IGF2BP3: variants seen among roughly 807,000 people sequenced by gnomAD.
The protein encoded by IGF2BP3 is insulin-like growth factor 2 mRNA-binding protein 3.
IGF2BP3 carries 9 observed loss-of-function variants against 73.8 expected under a neutral mutation model. The observed-to-expected ratio is 0.12, with a 90% CI of 0.07 to 0.21. The LOEUF is 0.21. IGF2BP3 is among the 10% of genes least tolerant of loss of function. The probability of loss-of-function intolerance (pLI) is 1.00; values close to 1 mark genes in which losing one functional copy is unlikely to be tolerated. For synonymous variants in IGF2BP3, 258 were observed against 256.7 expected, an observed-to-expected ratio of 1.01 and a Z score of -0.05; for missense variants, 542 against 714.0, an observed-to-expected ratio of 0.76 and a Z score of 2.75.
At chr7:23,373,400 C>G (rs953587330) in intron 3 of IGF2BP3, among the ~76,000 whole-genome samples, 1 of 152,058 alleles carries the variant, frequency 6.6e-6, no homozygotes, top group African/African-American at 2.4e-5. Flanking sequence ...GTGTGTCACA[C>G]GAAAAGACGC....
chr7:23,314,075 A>G (rs1783907377), intron 12 of IGF2BP3, among the ~76,000 whole-genome samples: 1 of 152,134 alleles, frequency 6.6e-6, no homozygotes, highest in African/African-American at 2.4e-5. Context: ...GCTGGAGTGC[A>G]ATGGTACAAT....
chr7:23,447,616 T>A (rs1788096526), intron 2 of IGF2BP3, among the ~76,000 whole-genome samples: 1 of 151,654 alleles, frequency 6.6e-6, no homozygotes, highest in Non-Finnish European at 1.5e-5. Flanking sequence ...AGAGCAAGAC[T>A]CTGTCTCAGA....
chr7:23,435,664 G>C (rs111335526), intron 2 of IGF2BP3, among the ~76,000 whole-genome samples: 1 of 152,044 alleles, frequency 6.6e-6, no homozygotes, highest in African/African-American at 2.4e-5. Flanking sequence ...CACCATGTTG[G>C]CCAGGATGGT....
intron 3 of IGF2BP3, among the ~76,000 whole-genome samples, chr7:23,396,793 T>C (rs965891480): frequency 6.6e-6 from 1 of 152,198 alleles, no homozygotes; most frequent in Non-Finnish European, 1.5e-5. Context: ...GGAAGTAAAG[T>C]ACTTCACAGT....
chr7:23,401,327 C>T (rs532773448), intron 3 of IGF2BP3, among the ~76,000 whole-genome samples: 18 of 152,264 alleles, frequency 1.2e-4, no homozygotes, highest in African/African-American at 4.3e-4. Context: ...ATCATGGCTG[C>T]CAGCATCATG....
At chr7:23,436,215 T>C (rs1787805637) in intron 2 of IGF2BP3, among the ~76,000 whole-genome samples, 1 of 152,166 alleles carries the variant, frequency 6.6e-6, no homozygotes, top group African/African-American at 2.4e-5. Flanking sequence ...ATCAGGAAAA[T>C]TGGAATATTT....
chr7:23,339,910 T>C (rs1049142650), intron 10 of IGF2BP3, among the ~76,000 whole-genome samples: 1 of 152,240 alleles, frequency 6.6e-6, no homozygotes, highest in Non-Finnish European at 1.5e-5. Context: ...CTAGATGTAC[T>C]CTCAGATTCC....
At chr7:23,350,815 A>C (rs547474443) in intron 6 of IGF2BP3, among the ~76,000 whole-genome samples, 11 of 152,250 alleles carry the variant, frequency 7.2e-5, no homozygotes, top group Admixed American at 7.2e-4. Flanking sequence ...AATATCCAGA[A>C]GAAAAAGCCA....
At chr7:23,419,354 G>C (rs774939030) in intron 2 of IGF2BP3, among the ~76,000 whole-genome samples, 1 of 152,156 alleles carries the variant, frequency 6.6e-6, no homozygotes, top group African/African-American at 2.4e-5. Flanking sequence ...TTGTAATTTT[G>C]ACATCAATAT....
chr7:23,430,664 T>A (rs1787651927), intron 2 of IGF2BP3, among the ~76,000 whole-genome samples: 1 of 152,220 alleles, frequency 6.6e-6, no homozygotes, highest in Non-Finnish European at 1.5e-5. Flanking sequence ...CAACCTCAAT[T>A]TTCAAGAAGT....
At chr7:23,398,426 C>T (rs1459940496) in intron 3 of IGF2BP3, among the ~76,000 whole-genome samples, 2 of 152,118 alleles carry the variant, frequency 1.3e-5, no homozygotes, top group South Asian at 4.2e-4. Context: ...GGGTATATAC[C>T]CAGTAATGGG....
At chr7:23,416,650 G>A (rs753086427) in intron 3 of IGF2BP3, among the ~76,000 whole-genome samples, 6 of 152,090 alleles carry the variant, frequency 3.9e-5, no homozygotes, top group Non-Finnish European at 8.8e-5. Context: ...GATTAATCAG[G>A]GACTCAATGC....
intron 2 of IGF2BP3, 147 bp downstream of exon 2, chr7:23,468,335 C>T: frequency 1.2e-6 from 1 of 803,526 alleles, no homozygotes; most frequent in South Asian, 1.5e-5. Flanking sequence ...ACACCCCCGC[C>T]ATAAACTTAA....
chr7:23,343,461 T>C (rs1051567495), intron 9 of IGF2BP3, among the ~76,000 whole-genome samples: 6 of 152,300 alleles, frequency 3.9e-5, no homozygotes, highest in African/African-American at 7.2e-5. Flanking sequence ...CCTTTGTAGG[T>C]AGACACTAGC....
chr7:23,459,000 G>A (rs1422599531), intron 2 of IGF2BP3, among the ~76,000 whole-genome samples: 1 of 152,196 alleles, frequency 6.6e-6, no homozygotes, highest in Admixed American at 6.5e-5. Flanking sequence ...TATCTGGAGG[G>A]CCTTAGGCAG....
chr7:23,336,560 C>T (rs1784578409), intron 10 of IGF2BP3, among the ~76,000 whole-genome samples: 1 of 151,644 alleles, frequency 6.6e-6, no homozygotes, highest in Non-Finnish European at 1.5e-5. Flanking sequence ...GGCGGGAGTG[C>T]AGTGGCACGA....
chr7:23,318,582 A>G (rs998053166), intron 11 of IGF2BP3, among the ~76,000 whole-genome samples: 1 of 152,130 alleles, frequency 6.6e-6, no homozygotes, highest in African/African-American at 2.4e-5. Flanking sequence ...ACACACAGTT[A>G]TCTATTACGG....
intron 3 of IGF2BP3, among the ~76,000 whole-genome samples, chr7:23,382,681 G>A (rs1284578469): frequency 6.6e-6 from 1 of 151,922 alleles, no homozygotes; most frequent in Non-Finnish European, 1.5e-5. Context: ...TTGCCCATTA[G>A]TGACACCTCA....
intron 3 of IGF2BP3, among the ~76,000 whole-genome samples, chr7:23,394,146 C>A (rs549801836): frequency 3.5e-4 from 53 of 152,260 alleles, no homozygotes; most frequent in Middle Eastern, 3.4e-3. Context: ...TACAGACACA[C>A]CTGCACAACT....
Sources: allele counts gnomAD v4.1 joint callset (sites outside exome capture counted in the v4.1 genomes callset), GRCh38; gene constraint gnomAD v4.1.1; transcripts MANE v1.5; gene names NCBI Gene and HGNC (gene_info 2026-07-23, HGNC 2026-07-21).